Variants in CSMD1 observed in about 807,000 individuals in gnomAD.
CSMD1 encodes the protein CUB and sushi domain-containing protein 1.
Under a neutral mutation model 417.5 loss-of-function variants are expected in CSMD1, and 213 were observed. The observed-to-expected ratio is 0.51, with a 90% CI of 0.46 to 0.57. The LOEUF is 0.57. Among genes scored for constraint, CSMD1 ranks in the 20% least tolerant of loss-of-function variants. The pLI is 0.00. For missense variants in CSMD1, 6,923 were observed against 4,529.7 expected (o/e 1.53, Z -15.17); for synonymous variants, 2,862 against 1,736.8 (o/e 1.65, Z -16.11).
intron 3 of CSMD1, among the ~76,000 whole-genome samples, chr8:4,106,858 C>G (rs58803742): frequency 6.6e-6 from 1 of 152,000 alleles, no homozygotes; most frequent in Admixed American, 6.6e-5. Flanking sequence ...AGAAAAACTG[C>G]CCCGCATTTC....
chr8:4,239,414 C>T lies in CSMD1; in HGVS notation c.415+180539G>A, dbSNP rs370379225. ...TGGGATCTATCTAACTGTGATTCATCTTAACTCGTCTTTCTCCTGGAGGCT... is the reference window on the plus strand; with the variant it reads ...TGGGATCTATCTAACTGTGATTCATTTTAACTCGTCTTTCTCCTGGAGGCT... On this transcript the variant is annotated intron_variant, in intron 3 of 69. Coordinates refer to ENST00000635120, the MANE Select transcript of CSMD1 (RefSeq NM_033225.6). 5.9e-5 allele frequency among the ~76,000 whole-genome samples: 9 copies of T among 152,296 alleles called. No homozygotes were observed. In the East Asian group the frequency reaches 1.7e-3, roughly 29 times the overall value.
At chr8:4,730,858 A>G (rs1809805834) in intron 1 of CSMD1, among the ~76,000 whole-genome samples, 1 of 152,210 alleles carries the variant, frequency 6.6e-6, no homozygotes, top group Non-Finnish European at 1.5e-5. Flanking sequence ...TAAGAGCCGT[A>G]ACGAGAAATG....
chr8:3,862,971 G>A (rs1253602535), intron 5 of CSMD1, among the ~76,000 whole-genome samples: 3 of 152,118 alleles, frequency 2.0e-5, no homozygotes, highest in African/African-American at 7.2e-5. Flanking sequence ...TCTGGAGTCT[G>A]GAGATTCCAA....
At chr8:4,358,702 T>C (rs1226903867) in intron 3 of CSMD1, among the ~76,000 whole-genome samples, 1 of 152,200 alleles carries the variant, frequency 6.6e-6, no homozygotes, top group African/African-American at 2.4e-5. Context: ...AGAAACCAGG[T>C]ATTTGTAGCT....
chr8:4,292,138 A>T (rs1195095869), intron 3 of CSMD1, among the ~76,000 whole-genome samples: 4 of 152,202 alleles, frequency 2.6e-5, no homozygotes, highest in African/African-American at 9.7e-5. Context: ...CAACAAAGAA[A>T]TATGAAAATG....
intron 5 of CSMD1, among the ~76,000 whole-genome samples, chr8:3,766,411 G>T (rs969949073): frequency 7.9e-5 from 12 of 152,190 alleles, no homozygotes; most frequent in African/African-American, 2.7e-4. Flanking sequence ...ACCCTTGGCT[G>T]TATCCAATGT....
chr8:4,170,659 G>C (rs553624935), intron 3 of CSMD1, among the ~76,000 whole-genome samples: 1 of 151,640 alleles, frequency 6.6e-6, no homozygotes, highest in Non-Finnish European at 1.5e-5. Flanking sequence ...CTTAAGAGAA[G>C]TAGAATAAGT....
At chr8:2,995,735 G>A (rs2721283) in intron 54 of CSMD1, among the ~76,000 whole-genome samples, 1,981 of 152,188 alleles carry the variant, frequency 0.013, 40 homozygotes, top group African/African-American at 0.046. Flanking sequence ...CTGAATTATT[G>A]ACACAGGCCA....
At chr8:3,692,979 CTTCT>C (rs1800335373) in intron 7 of CSMD1, among the ~76,000 whole-genome samples, 1 of 152,028 alleles carries the variant, frequency 6.6e-6, no homozygotes, top group South Asian at 2.1e-4. Context: ...TTGGATATGA[CTTCT>C]TTATCATCAA....
intron 12 of CSMD1, among the ~76,000 whole-genome samples, chr8:3,458,866 ACT>A (rs1816317200): frequency 6.6e-6 from 1 of 152,104 alleles, no homozygotes; most frequent in Admixed American, 6.5e-5. Flanking sequence ...CACACAAAAC[ACT>A]CTAGGAAAAC....
intron 6 of CSMD1, among the ~76,000 whole-genome samples, chr8:3,721,815 T>C (rs944205571): frequency 2.0e-5 from 3 of 152,158 alleles, no homozygotes; most frequent in African/African-American, 7.2e-5. Context: ...AGCCATTTTT[T>C]GAGAAATTAA....
intron 1 of CSMD1, among the ~76,000 whole-genome samples, chr8:4,706,045 A>T (rs1420537175): frequency 2.7e-5 from 4 of 150,590 alleles, no homozygotes; most frequent in Non-Finnish European, 4.4e-5. Flanking sequence ...AAAATATGTA[A>T]TTTTTTATAT....
chr8:3,500,942 G>A (rs189708194), intron 10 of CSMD1, among the ~76,000 whole-genome samples: 3 of 152,238 alleles, frequency 2.0e-5, no homozygotes, highest in Non-Finnish European at 2.9e-5. Flanking sequence ...AATATTGCAA[G>A]AGAATAAGAA....
intron 5 of CSMD1, among the ~76,000 whole-genome samples, chr8:3,807,003 G>C (rs937492369): frequency 1.3e-5 from 2 of 152,112 alleles, no homozygotes; most frequent in Non-Finnish European, 2.9e-5. Flanking sequence ...GATAAAACTG[G>C]CTAGAGGGCT....
chr8:4,993,698 C>T (rs1811601862), intron 1 of CSMD1, among the ~76,000 whole-genome samples: 1 of 152,174 alleles, frequency 6.6e-6, no homozygotes, highest in Admixed American at 6.5e-5. Context: ...CAACACCTTA[C>T]AACTTGCAAG....
intron 1 of CSMD1, among the ~76,000 whole-genome samples, chr8:4,962,700 T>C (rs1398971713): frequency 2.0e-5 from 3 of 152,170 alleles, no homozygotes; most frequent in Non-Finnish European, 4.4e-5. Flanking sequence ...GGAAGGGATG[T>C]GCAAGATTGA....
At chr8:3,141,851 G>A (rs914000316) in intron 41 of CSMD1, among the ~76,000 whole-genome samples, 1 of 149,924 alleles carries the variant, frequency 6.7e-6, no homozygotes, top group Non-Finnish European at 1.5e-5. Context: ...AGGCTGGAGT[G>A]CAGTGGCGCG....
At chr8:4,865,410 C>T (rs1344984786) in intron 1 of CSMD1, among the ~76,000 whole-genome samples, 1 of 151,660 alleles carries the variant, frequency 6.6e-6, no homozygotes, top group East Asian at 1.9e-4. Flanking sequence ...GTAATATATA[C>T]ACAGCTTCAA....
chr8:4,370,596 C>T (rs1348460938), intron 3 of CSMD1, among the ~76,000 whole-genome samples: 2 of 152,152 alleles, frequency 1.3e-5, no homozygotes, highest in Non-Finnish European at 2.9e-5. Context: ...GGTCTCTTTG[C>T]ATAATCTCAT....
Sources: gnomAD v4.1 joint callset for allele counts (sites outside exome capture counted in the v4.1 genomes callset) on GRCh38, gnomAD v4.1.1 for gene constraint, MANE v1.5 for transcripts, NCBI Gene and HGNC (gene_info 2026-07-23, HGNC 2026-07-21) for gene names.